The following TMTC1 variants were observed in gnomAD, a reference collection of about 807,000 sequenced individuals.
TMTC1 encodes the protein protein O-mannosyl-transferase TMTC1.
A neutral mutation model predicts 104.8 loss-of-function variants in TMTC1; 73 were observed. The ratio of observed to expected loss-of-function variants is 0.70; its 90% CI spans 0.58 to 0.85. The LOEUF is 0.85. Ranked by LOEUF, TMTC1 falls within the 40% of genes least tolerant of loss-of-function variation. TMTC1 has a pLI of 0.00. For missense variants in TMTC1, 1,035 were observed against 1,096.1 expected, an observed-to-expected ratio of 0.94 and a Z score of 0.79; for synonymous variants, 434 against 428.7, an observed-to-expected ratio of 1.01 and a Z score of -0.15.
At chr12:29,663,237 C>G (rs904341566) in intron 5 of TMTC1, among the ~76,000 whole-genome samples, 1 of 152,208 alleles carries the variant, frequency 6.6e-6, no homozygotes, top group African/African-American at 2.4e-5. Flanking sequence ...AACTCAACCA[C>G]GACCACTCTG....
At chr12:29,526,117 T>C (rs1410303596) in intron 11 of TMTC1, among the ~76,000 whole-genome samples, 1 of 152,196 alleles carries the variant, frequency 6.6e-6, no homozygotes, top group African/African-American at 2.4e-5. Context: ...CCCAGGATTA[T>C]GAGTTTGACC....
At chr12:29,765,271 G>A (rs1943437884) in intron 2 of TMTC1, among the ~76,000 whole-genome samples, 1 of 151,768 alleles carries the variant, frequency 6.6e-6, no homozygotes, top group African/African-American at 2.4e-5. Flanking sequence ...CCTATGCATT[G>A]TAGATATCGA....
chr12:29,582,291 T>A (rs1401421353), intron 8 of TMTC1, among the ~76,000 whole-genome samples: 1 of 152,192 alleles, frequency 6.6e-6, no homozygotes, highest in Non-Finnish European at 1.5e-5. Context: ...GTGCTTGGAT[T>A]TCCTGCTGGG....
At chr12:29,663,579 T>C (rs1198322335) in intron 5 of TMTC1, among the ~76,000 whole-genome samples, 1 of 151,874 alleles carries the variant, frequency 6.6e-6, no homozygotes, top group Non-Finnish European at 1.5e-5. Flanking sequence ...TGTAGTGGCG[T>C]GATCTCAGCT....
intron 6 of TMTC1, among the ~76,000 whole-genome samples, chr12:29,631,129 G>T (rs545333365): frequency 6.6e-6 from 1 of 152,228 alleles, no homozygotes; most frequent in Non-Finnish European, 1.5e-5. Context: ...TGAGTTTTAA[G>T]AGCACTTTTA....
intron 5 of TMTC1, among the ~76,000 whole-genome samples, chr12:29,644,996 C>T (rs1939203454): frequency 6.6e-6 from 1 of 152,154 alleles, no homozygotes; most frequent in Non-Finnish European, 1.5e-5. Flanking sequence ...GGCACACTGC[C>T]CTGTAACTGT....
chr12:29,744,722 T>C (rs1328438318), intron 5 of TMTC1, among the ~76,000 whole-genome samples: 1 of 152,166 alleles, frequency 6.6e-6, no homozygotes, highest in Non-Finnish European at 1.5e-5. Flanking sequence ...TCTCTAGCCA[T>C]CAAAGAAAAC....
intron 5 of TMTC1, among the ~76,000 whole-genome samples, chr12:29,711,890 C>T (rs1242959583): frequency 6.6e-6 from 1 of 151,326 alleles, no homozygotes; most frequent in African/African-American, 2.4e-5. Flanking sequence ...GCCTGTAGTC[C>T]CAACTACTCG....
chr12:29,664,052 T>C lies in TMTC1; in HGVS notation c.939-30716A>G, dbSNP rs926704601. 8.1e-4 allele frequency among the ~76,000 whole-genome samples: 122 copies of C among 150,290 alleles called. 1 individual carries two copies. Among genetic ancestry groups the C allele is most frequent in the Admixed American group, 6.8e-3 (103 of 15,154 alleles). On this transcript the variant is annotated intron_variant, in intron 5 of 17. Coordinates refer to ENST00000539277, the MANE Select transcript of TMTC1 (RefSeq NM_001193451.2). The stretch of plus-strand genomic sequence containing the variant: ...AATACAAAAAATTAGCCGGGCGTAG[T>C]GGCGGGCGCCTGTAGTCCCAGCTAC...
At chr12:29,566,294 G>A (rs1390312804) in intron 9 of TMTC1, among the ~76,000 whole-genome samples, 1 of 152,194 alleles carries the variant, frequency 6.6e-6, no homozygotes, top group Non-Finnish European at 1.5e-5. Context: ...AGCCCAGTGT[G>A]TCTGGAGCCA....
chr12:29,673,579 C>T (rs1200259435), intron 5 of TMTC1, among the ~76,000 whole-genome samples: 3 of 151,730 alleles, frequency 2.0e-5, no homozygotes, highest in African/African-American at 7.3e-5. Context: ...AAATTCCAGT[C>T]TCTGTCCAAT....
At chr12:29,594,969 C>G (rs914424683) in intron 7 of TMTC1, among the ~76,000 whole-genome samples, 16 of 152,170 alleles carry the variant, frequency 1.1e-4, no homozygotes, top group Admixed American at 9.8e-4. Context: ...ATTTATGTTT[C>G]TTTGATTTCT....
At chr12:29,745,002 T>C (rs1018342177) in intron 5 of TMTC1, among the ~76,000 whole-genome samples, 17 of 152,236 alleles carry the variant, frequency 1.1e-4, no homozygotes, top group African/African-American at 4.1e-4. Flanking sequence ...CATGGCTCAC[T>C]ACAGCCACAA....
intron 5 of TMTC1, among the ~76,000 whole-genome samples, chr12:29,723,867 T>C (rs955019646): frequency 6.6e-6 from 1 of 151,884 alleles, no homozygotes; most frequent in East Asian, 1.9e-4. Flanking sequence ...TTCATATGGA[T>C]AACAAGAAAG....
intron 9 of TMTC1, among the ~76,000 whole-genome samples, chr12:29,566,111 C>T (rs528989239): frequency 1.3e-5 from 2 of 152,104 alleles, no homozygotes; most frequent in Non-Finnish European, 2.9e-5. Context: ...TTGTGGTCTT[C>T]AGTGGGGTGG....
At chr12:29,764,056 T>C (rs1418616900) in intron 2 of TMTC1, among the ~76,000 whole-genome samples, 5 of 152,194 alleles carry the variant, frequency 3.3e-5, no homozygotes, top group Non-Finnish European at 7.3e-5. Context: ...GAAAAATATA[T>C]GCAAATGGCC....
At chr12:29,661,184 G>T in intron 5 of TMTC1, 1 of 195,148 alleles carries the variant, frequency 5.1e-6, no homozygotes, top group Non-Finnish European at 9.3e-6. Context: ...ATAATATCTA[G>T]AACAGGACTC....
At chr12:29,578,252 G>A (rs575109696) in intron 8 of TMTC1, among the ~76,000 whole-genome samples, 4 of 151,956 alleles carry the variant, frequency 2.6e-5, no homozygotes, top group South Asian at 2.1e-4. Flanking sequence ...TTTTCCCATC[G>A]TTGGTTTTGA....
chr12:29,651,074 G>C (rs1260653137), intron 5 of TMTC1, among the ~76,000 whole-genome samples: 1 of 152,150 alleles, frequency 6.6e-6, no homozygotes, highest in African/African-American at 2.4e-5. Context: ...GCATTTGGAG[G>C]GGGCACATGA....
Sources: gnomAD v4.1 joint callset for allele counts (sites outside exome capture counted in the v4.1 genomes callset) on GRCh38, gnomAD v4.1.1 for gene constraint, MANE v1.5 for transcripts, NCBI Gene and HGNC (gene_info 2026-07-23, HGNC 2026-07-21) for gene names.